The following LAMA2 variants were observed in gnomAD, a reference collection of about 807,000 sequenced individuals.
LAMA2 encodes the protein laminin subunit alpha-2.
A neutral mutation model predicts 364.8 loss-of-function variants in LAMA2; 269 were observed. That is an observed-to-expected ratio of 0.74 (90% CI 0.67 to 0.82). The LOEUF (loss-of-function observed/expected upper bound fraction) is 0.82. Ranked by LOEUF, LAMA2 falls within the 40% of genes least tolerant of loss-of-function variation. The pLI is 0.00. For synonymous variants in LAMA2, 1,379 were observed against 1,370.6 expected, an observed-to-expected ratio of 1.01 and a Z score of -0.14; for missense variants, 3,807 against 3,873.2, an observed-to-expected ratio of 0.98 and a Z score of 0.45.
At chr6:129,276,930 A>C (rs1241456208) in intron 17 of LAMA2, among the ~76,000 whole-genome samples, 1 of 152,156 alleles carries the variant, frequency 6.6e-6, no homozygotes, top group Non-Finnish European at 1.5e-5. Context: ...TGACATAGTC[A>C]CATGTATACA....
At chr6:129,036,304 T>C (rs1406557240) in intron 1 of LAMA2, among the ~76,000 whole-genome samples, 6 of 152,200 alleles carry the variant, frequency 3.9e-5, no homozygotes, top group Middle Eastern at 3.2e-3. Context: ...TATGGTGTAA[T>C]CCTATCTTAA....
chr6:129,014,315 G>T (rs1384249558), intron 1 of LAMA2, among the ~76,000 whole-genome samples: 1 of 152,110 alleles, frequency 6.6e-6, no homozygotes, highest in East Asian at 1.9e-4. Context: ...GGAAAAGCTG[G>T]CAAAACCTAG....
At chr6:129,342,595 A>G in intron 30 of LAMA2, 128 bp downstream of exon 30, 2 of 855,806 alleles carry the variant, frequency 2.3e-6, no homozygotes, top group Non-Finnish European at 3.5e-6. Context: ...GATATTTTTA[A>G]TAATATAGAA....
chr6:129,227,307 G>A (rs888834192), intron 12 of LAMA2, among the ~76,000 whole-genome samples: 23 of 151,790 alleles, frequency 1.5e-4, no homozygotes, highest in South Asian at 1.2e-3. Flanking sequence ...AAGTTTGATC[G>A]TCTGAAGCCT....
At chr6:129,344,124 G>A (rs1423125463) in intron 30 of LAMA2, among the ~76,000 whole-genome samples, 3 of 152,042 alleles carry the variant, frequency 2.0e-5, no homozygotes, top group African/African-American at 7.2e-5. Flanking sequence ...TGAAAAAAAG[G>A]TTAATATGAT....
chr6:128,935,676 T>G (rs1779771658), intron 1 of LAMA2, among the ~76,000 whole-genome samples: 1 of 152,214 alleles, frequency 6.6e-6, no homozygotes, highest in African/African-American at 2.4e-5. Flanking sequence ...TATTAGCTTC[T>G]AATAGCACTT....
chr6:129,131,297 G>T (rs909288408), intron 4 of LAMA2, among the ~76,000 whole-genome samples: 3 of 152,168 alleles, frequency 2.0e-5, no homozygotes, highest in African/African-American at 7.2e-5. Flanking sequence ...ATAATGATCA[G>T]TGACTTCTCA....
chr6:129,230,003 T>G (rs1209883514), intron 12 of LAMA2, among the ~76,000 whole-genome samples: 3 of 152,120 alleles, frequency 2.0e-5, no homozygotes, highest in Non-Finnish European at 4.4e-5. Flanking sequence ...GAACTGAAGA[T>G]GTAAAATGTT....
At chr6:129,385,214 G>A (rs1363402872) in intron 35 of LAMA2, among the ~76,000 whole-genome samples, 1 of 127,464 alleles carries the variant, frequency 7.8e-6, no homozygotes, top group Non-Finnish European at 1.7e-5. Flanking sequence ...AGGGAAAGGA[G>A]GGAGGAAGGA....
chr6:129,051,263 A>G (rs188172478), intron 2 of LAMA2, among the ~76,000 whole-genome samples: 1 of 148,026 alleles, frequency 6.8e-6, no homozygotes, highest in Non-Finnish European at 1.5e-5. Flanking sequence ...GTAAAAATAT[A>G]TATTATTTAT....
intron 1 of LAMA2, among the ~76,000 whole-genome samples, chr6:128,987,831 A>G (rs749274234): frequency 2.6e-5 from 4 of 152,126 alleles, no homozygotes; most frequent in Non-Finnish European, 4.4e-5. Context: ...CATCCATGAA[A>G]CATATGACAG....
chr6:129,267,202 G>T lies in LAMA2; in HGVS notation c.2305G>T (p.Val769Phe). ...TGGTCATGCGGAGTCCTGTGATGAC[G>T]TCACTGGAGAATGCCTGGTAAGTGC... ...CFGHAESCDD[V>F]TGECLNCKDH... is the part of the protein sequence containing the mutation. Residue 769 changes from valine (V) to phenylalanine (F), a missense_variant, in exon 16 of 65, where the codon GTC (valine) becomes TTC (phenylalanine). This residue lies in a region of LAMA2 where 3,333 missense variants were observed against 3,345.7 expected (regional missense o/e 1.00). Transcript: ENST00000421865. The T allele has an allele frequency of 3.1e-6, 5 of 1,608,026 alleles. No homozygotes were observed. The highest frequency in any genetic ancestry group is 4.3e-6 in the Non-Finnish European group (5 of 1,174,672).
intron 3 of LAMA2, among the ~76,000 whole-genome samples, chr6:129,078,053 G>A (rs1773770679): frequency 6.6e-6 from 1 of 152,002 alleles, no homozygotes; most frequent in African/African-American, 2.4e-5. Context: ...CATTACAAAT[G>A]TACTACTCTA....
chr6:129,384,688 G>A (rs1219205391), intron 35 of LAMA2, among the ~76,000 whole-genome samples: 1 of 152,090 alleles, frequency 6.6e-6, no homozygotes, highest in Non-Finnish European at 1.5e-5. Context: ...GTAGACTGGA[G>A]ATGGAGATTT....
intron 1 of LAMA2, among the ~76,000 whole-genome samples, chr6:129,031,988 T>C (rs1786263133): frequency 1.3e-5 from 2 of 152,048 alleles, no homozygotes; most frequent in South Asian, 4.1e-4. Context: ...CCTGGCCAAT[T>C]TTTGTATTTT....
chr6:129,127,647 A>G (rs1235776555), intron 4 of LAMA2, among the ~76,000 whole-genome samples: 1 of 152,194 alleles, frequency 6.6e-6, no homozygotes, highest in East Asian at 1.9e-4. Context: ...AACAGTGTAC[A>G]AGGATTCTGT....
In LAMA2 at chr6:129,118,749, CA is replaced by C. The variant is rs548129885; in HGVS notation, c.639+20337del. On this transcript the variant is annotated intron_variant, in intron 4 of 64. Transcript: ENST00000421865. ...ATACAGTCAGAATCTCTCTAAGAAT[CA>C]AAGACTGATGAGAAACCTCTGAAAG... Among the ~76,000 whole-genome samples the C allele has an allele frequency of 3.1e-3, 467 of 152,210 alleles. 5 individuals carry two copies. The highest frequency in any genetic ancestry group is 5.9e-3 in the Admixed American group (91 of 15,296).
intron 40 of LAMA2, among the ~76,000 whole-genome samples, chr6:129,410,213 C>A (rs1347534939): frequency 1.3e-5 from 2 of 152,164 alleles, no homozygotes; most frequent in African/African-American, 4.8e-5. Flanking sequence ...GAAACATTAT[C>A]TTCTTTCCTT....
intron 3 of LAMA2, among the ~76,000 whole-genome samples, chr6:129,081,339 A>G (rs1011531763): frequency 1.3e-5 from 2 of 152,168 alleles, no homozygotes; most frequent in Admixed American, 6.5e-5. Context: ...ACATGTATAC[A>G]TATGTAACAA....
Sources: allele counts gnomAD v4.1 joint callset (sites outside exome capture counted in the v4.1 genomes callset), GRCh38; gene constraint gnomAD v4.1.1; regional missense constraint gnomAD v4.1.1; transcripts MANE v1.5; gene names NCBI Gene and HGNC (gene_info 2026-07-23, HGNC 2026-07-21).